The following STK26 variants were observed in gnomAD, a reference collection of about 807,000 sequenced individuals.
STK26 encodes the protein serine/threonine kinase 26, also known as serine/threonine-protein kinase 26.
A neutral mutation model predicts 34.7 loss-of-function variants in STK26; 14 were observed. That is an observed-to-expected ratio of 0.40 (90% CI 0.27 to 0.63). The LOEUF is 0.63. Among genes scored for constraint, STK26 ranks in the 30% least tolerant of loss-of-function variants. The probability of loss-of-function intolerance (pLI) is 0.38; values close to 1 mark genes in which losing one functional copy is unlikely to be tolerated. For missense variants in STK26, 226 were observed against 309.1 expected (o/e 0.73, Z 2.02); for synonymous variants, 100 against 109.8 (o/e 0.91, Z 0.56).
intron 3 of STK26, among the ~76,000 whole-genome samples, chrX:132,058,169 T>G (rs1368548312): frequency 3.6e-5 from 4 of 111,485 alleles, no homozygotes; most frequent in Non-Finnish European, 7.5e-5. Context: ...TCATGAGTGA[T>G]TACGCAGTCT....
chrX:132,066,832 C>G (rs1465887127), intron 4 of STK26, among the ~76,000 whole-genome samples: 1 of 111,532 alleles, frequency 9.0e-6, no homozygotes, highest in African/African-American at 3.3e-5. Context: ...ACTGAAATAA[C>G]CAAGGATATA....
Position 132,075,199 on chromosome X carries a change from G to T in STK26, c.*1040G>T, listed in dbSNP as rs1927562555. 1 of 111,443 alleles carries T rather than the reference G, an allele frequency of 9.0e-6. No individual in the cohort carries two copies. Among genetic ancestry groups the T allele is most frequent in the Admixed American group, 9.6e-5 (1 of 10,389 alleles). 9.2% of individuals were successfully genotyped at this position (111,443 alleles called of 1,213,427 possible). A position where few individuals can be genotyped will look rare whatever the true frequency, so the allele number is the denominator to read the frequency against. ...TCATATGAAAATAACCATAGTACAG[G>T]ATGATTTCTGTCCACACAAAGGTTA... On this transcript the variant is annotated 3_prime_UTR_variant, in exon 12 of 12. Transcript: ENST00000394334.
chrX:132,070,056 T>G (rs930410677), intron 7 of STK26, among the ~76,000 whole-genome samples: 15 of 111,205 alleles, frequency 1.3e-4, no homozygotes, highest in Non-Finnish European at 2.8e-4. Flanking sequence ...TTTTTTTTTT[T>G]GAGATGGAGC....
intron 3 of STK26, among the ~76,000 whole-genome samples, chrX:132,061,618 A>G (rs1927057462): frequency 9.0e-6 from 1 of 111,707 alleles, no homozygotes; most frequent in Non-Finnish European, 1.9e-5. Flanking sequence ...GTGTCAGCAT[A>G]TGGAAAGGAG....
intron 2 of STK26, among the ~76,000 whole-genome samples, chrX:132,034,651 A>T (rs1569327238): frequency 9.0e-6 from 1 of 110,904 alleles, no homozygotes; most frequent in African/African-American, 3.3e-5. Context: ...TTTATTTTTT[A>T]TTTTTTTAGC....
intron 2 of STK26, 78 bp downstream of exon 2, chrX:132,023,737 G>A: frequency 9.1e-7 from 1 of 1,096,949 alleles, no homozygotes; most frequent in Non-Finnish European, 1.2e-6. Flanking sequence ...GGGCACCGGC[G>A]ACAAGGGACG....
At chrX:132,069,416 T>C (rs1385798439) in intron 6 of STK26, 62 bp from the exon 7 acceptor site, 32 of 28,732 alleles carry the variant, frequency 1.1e-3, no homozygotes, top group Middle Eastern at 0.012. Flanking sequence ...TACACATATA[T>C]ATATATATAT....
At position 132,068,180 on chromosome X, in the gene STK26, A is replaced by G. The variant is rs752218876; in HGVS notation, c.331-35A>G. ...ATTTTATGTTTCCAAACTTTTACAC[A>G]TATGTGTATGTGTGTGTGTGTTTTT... is the stretch of plus-strand genomic sequence containing the variant. On this transcript the variant is annotated intron_variant, in intron 4 of 11. Coordinates refer to ENST00000394334, the MANE Select transcript of STK26 (RefSeq NM_016542.4). 7.4e-6 allele frequency: 8 copies of G among 1,073,951 alleles called. 1 individual carries two copies. In the South Asian group the frequency reaches 1.3e-4, roughly 17 times the overall value. The allele number at this position is 1,073,951 out of a possible 1,213,427, so 88.5% of individuals were successfully genotyped here.
chrX:132,072,939 A>G lies in STK26; in HGVS notation c.1090-18A>G. Reference sequence around the variant, plus strand: ...GTAGTATAATATTTTAAATGTTTTAACTATTATTCTTTCTCAGCTTAAACA... The same window carrying G: ...GTAGTATAATATTTTAAATGTTTTAGCTATTATTCTTTCTCAGCTTAAACA... On this transcript the variant is annotated intron_variant, in intron 10 of 11. Transcript: ENST00000394334. The G allele has an allele frequency of 8.3e-7, 1 of 1,207,581 alleles. No individual in the cohort carries two copies. The highest frequency in any genetic ancestry group is 1.1e-6 in the Non-Finnish European group (1 of 893,215).
At chrX:132,042,522 A>G (rs1255622639) in intron 2 of STK26, among the ~76,000 whole-genome samples, 1 of 111,340 alleles carries the variant, frequency 9.0e-6, no homozygotes, top group Non-Finnish European at 1.9e-5. Context: ...ACACATACAC[A>G]CACACATACT....
At chrX:132,073,433 C>A (rs907110658) in intron 11 of STK26, among the ~76,000 whole-genome samples, 2 of 111,308 alleles carry the variant, frequency 1.8e-5, no homozygotes, top group African/African-American at 6.5e-5. Flanking sequence ...CTTGCCACTA[C>A]CCTCAGAATT....
rs766456813 is a variant in STK26 at position 132,074,558 on chromosome X, CTT to C, written c.*408_*409del. On this transcript the variant is annotated 3_prime_UTR_variant, in exon 12 of 12. Transcript: ENST00000394334. The stretch of plus-strand genomic sequence containing the variant: ...TTGTAAATTATCAAGCTTCAAAAAG[CTT>C]TTTTTTTTAAAAAAAAACATGCATA... 1.7e-4 allele frequency: 19 copies of C among 113,673 alleles called. No homozygotes were observed. The highest frequency in any genetic ancestry group is 2.5e-4 in the Non-Finnish European group (14 of 55,707). The allele number at this position is 113,673 out of a possible 1,213,427, so 9.4% of individuals were successfully genotyped here.
chrX:132,061,677 C>A (rs751407794), intron 3 of STK26, among the ~76,000 whole-genome samples: 2 of 111,785 alleles, frequency 1.8e-5, no homozygotes, highest in Non-Finnish European at 3.8e-5. Flanking sequence ...ATCGCTAACC[C>A]TAGGCCACAT....
intron 4 of STK26, 51 bp downstream of exon 4, chrX:132,063,540 ATACCTTAATTTTT>A (rs1216467738): frequency 7.4e-6 from 8 of 1,078,530 alleles, no homozygotes; most frequent in Non-Finnish European, 6.3e-6. Flanking sequence ...GCATATGCAC[ATACCTTAATTTTT>A]TAAATTGAAG....
At chrX:132,054,909 A>C in intron 3 of STK26, 48 bp downstream of exon 3, 1 of 1,053,670 alleles carries the variant, frequency 9.5e-7, no homozygotes, top group Non-Finnish European at 1.3e-6. Flanking sequence ...TTTCATTAGA[A>C]GTTTTTTAAT....
intron 2 of STK26, among the ~76,000 whole-genome samples, chrX:132,034,574 G>A (rs949212822): frequency 4.5e-5 from 5 of 111,329 alleles, no homozygotes; most frequent in African/African-American, 1.6e-4. Flanking sequence ...GATTACAGGC[G>A]TGAGCCACCG....
intron 2 of STK26, among the ~76,000 whole-genome samples, chrX:132,054,162 C>T (rs770158790): frequency 1.9e-3 from 212 of 111,874 alleles, no homozygotes; most frequent in African/African-American, 6.4e-3. Flanking sequence ...ATTTAGATGG[C>T]GGTTTGGAAG....
At chrX:132,047,909 G>A (rs915413756) in intron 2 of STK26, among the ~76,000 whole-genome samples, 3 of 111,634 alleles carry the variant, frequency 2.7e-5, no homozygotes, top group Non-Finnish European at 5.7e-5. Flanking sequence ...GTGAGATAAT[G>A]CAGTATTTGT....
chrX:132,059,410 A>G (rs1472926406), intron 3 of STK26, among the ~76,000 whole-genome samples: 1 of 112,260 alleles, frequency 8.9e-6, no homozygotes, highest in African/African-American at 3.2e-5. Flanking sequence ...GACATGCAAA[A>G]AATGTACTAG....
Sources: gnomAD v4.1 joint callset for allele counts (sites outside exome capture counted in the v4.1 genomes callset) on GRCh38, gnomAD v4.1.1 for gene constraint, MANE v1.5 for transcripts, NCBI Gene and HGNC (gene_info 2026-07-23, HGNC 2026-07-21) for gene names.